Variants in SMYD3 observed in about 807,000 individuals in gnomAD.
The protein encoded by SMYD3 is histone-lysine N-methyltransferase SMYD3.
A neutral mutation model predicts 57.7 loss-of-function variants in SMYD3; 36 were observed. The ratio of observed to expected loss-of-function variants is 0.62; its 90% confidence interval spans 0.48 to 0.82. The LOEUF (loss-of-function observed/expected upper bound fraction) is 0.82, where lower values mean the gene tolerates loss of function less well. Ranked by LOEUF, SMYD3 falls within the 40% of genes least tolerant of loss-of-function variation. The pLI, the probability that SMYD3 is intolerant of heterozygous loss-of-function variation, is 0.00. For synonymous variants in SMYD3, 211 were observed against 195.0 expected, an observed-to-expected ratio of 1.08 and a Z score of -0.68; for missense variants, 515 against 538.8, an observed-to-expected ratio of 0.96 and a Z score of 0.44.
At chr1:246,395,721 A>C (rs1173181488) in intron 1 of SMYD3, among the ~76,000 whole-genome samples, 387 of 31,184 alleles carry the variant, frequency 0.012, 32 homozygotes, top group South Asian at 0.12. Flanking sequence ...GAAGACGAAC[A>C]CACCAGTCAG....
chr1:246,078,019 C>T (rs1007754417), intron 5 of SMYD3, among the ~76,000 whole-genome samples: 1 of 151,770 alleles, frequency 6.6e-6, no homozygotes, highest in South Asian at 2.1e-4. Flanking sequence ...TTTTAAAGTG[C>T]CTTTCATAAA....
chr1:246,355,408 T>C lies in SMYD3; in HGVS notation c.165-314A>G, dbSNP rs2065896603. 1 of 284,846 alleles carries C rather than the reference T, an allele frequency of 3.5e-6. No individual in the cohort carries two copies. The highest frequency in any genetic ancestry group is 6.7e-6 in the Non-Finnish European group (1 of 150,336). The allele number at this position is 284,846 out of a possible 1,614,324, so 17.6% of individuals were successfully genotyped here. A position where few individuals can be genotyped will look rare whatever the true frequency, so the allele number is the denominator to read the frequency against. Reference sequence around the variant, plus strand: ...CACTGTGAACTTTTGATCCAACAACTGCCACAGCAACATACCAGGTAAACT... The same window carrying C: ...CACTGTGAACTTTTGATCCAACAACCGCCACAGCAACATACCAGGTAAACT... On this transcript the variant is annotated intron_variant, in intron 1 of 11. Transcript: ENST00000490107. The surrounding 1 kb of genome is among the most constrained non-coding windows in gnomAD (Gnocchi z 5.0).
In SMYD3 at chr1:246,431,966, G is replaced by A. The variant is rs530865972; in HGVS notation, c.164+75088C>T. Among the ~76,000 whole-genome samples the A allele has an allele frequency of 3.8e-4, 58 of 152,042 alleles. No individual in the cohort carries two copies. The East Asian group carries it at 7.7e-3, about 20-fold the overall frequency. ...GAAAATCATTCCATTCCTAAAATCC[G>A]ACATATCTGACTATACTCTGGAAAA... On this transcript the variant is annotated intron_variant, in intron 1 of 11. Coordinates refer to ENST00000490107, the MANE Select transcript of SMYD3 (RefSeq NM_001167740.2).
At chr1:246,066,970 T>C (rs2060352527) in intron 5 of SMYD3, among the ~76,000 whole-genome samples, 2 of 152,218 alleles carry the variant, frequency 1.3e-5, no homozygotes, top group African/African-American at 4.8e-5. Context: ...GTGGCAGAAT[T>C]CAGTACTTTA....
intron 5 of SMYD3, among the ~76,000 whole-genome samples, chr1:245,970,923 T>C (rs183421828): frequency 6.6e-6 from 1 of 152,338 alleles, no homozygotes; most frequent in East Asian, 1.9e-4. Flanking sequence ...GAATTACCAT[T>C]TGACCCAGTG....
chr1:246,081,204 A>G (rs1419110332), intron 5 of SMYD3, among the ~76,000 whole-genome samples: 1 of 152,230 alleles, frequency 6.6e-6, no homozygotes, highest in South Asian at 2.1e-4. Flanking sequence ...GTCAAAATCT[A>G]AATCCCTAAG....
intron 5 of SMYD3, among the ~76,000 whole-genome samples, chr1:246,271,890 A>G (rs2148547784): frequency 6.6e-6 from 1 of 152,280 alleles, no homozygotes; most frequent in African/African-American, 2.4e-5. Context: ...TGGGTAGGTA[A>G]TGACATCTTA....
At chr1:245,955,073 T>A (rs2057787494) in intron 5 of SMYD3, among the ~76,000 whole-genome samples, 1 of 152,124 alleles carries the variant, frequency 6.6e-6, no homozygotes, top group South Asian at 2.1e-4. Context: ...CATTCCCAAG[T>A]CAGGTTGTGG....
At chr1:246,233,392 TC>T (rs2063453603) in intron 5 of SMYD3, among the ~76,000 whole-genome samples, 1 of 102,512 alleles carries the variant, frequency 9.8e-6, no homozygotes, top group Admixed American at 1.1e-4. Flanking sequence ...GGAGAAGCAC[TC>T]CCCAATTCAC....
At chr1:246,470,539 T>C (rs2067946975) in intron 1 of SMYD3, among the ~76,000 whole-genome samples, 1 of 148,466 alleles carries the variant, frequency 6.7e-6, no homozygotes, top group African/African-American at 2.5e-5. Flanking sequence ...ATATATAATA[T>C]ATACACATAC....
chr1:245,785,986 T>A (rs1487419342), intron 10 of SMYD3, among the ~76,000 whole-genome samples: 1 of 151,882 alleles, frequency 6.6e-6, no homozygotes, highest in East Asian at 1.9e-4. Context: ...ATTACAGGTG[T>A]GAGCCATGGT....
intron 5 of SMYD3, among the ~76,000 whole-genome samples, chr1:246,126,521 T>C (rs767875527): frequency 3.3e-5 from 5 of 152,250 alleles, no homozygotes; most frequent in South Asian, 2.1e-4. Context: ...TTTGTTTTGT[T>C]TGCAATTGTA....
At chr1:246,248,254 T>A (rs1165839073) in intron 5 of SMYD3, among the ~76,000 whole-genome samples, 1 of 152,134 alleles carries the variant, frequency 6.6e-6, no homozygotes, top group Non-Finnish European at 1.5e-5. Context: ...TCTGACCATG[T>A]CATCAAATCA....
In SMYD3 at chr1:246,169,381, C is replaced by CAAAAAA. The variant is rs55719556; in HGVS notation, c.531+157814_531+157819dup. Among the ~76,000 whole-genome samples, 365 of 61,844 alleles carry CAAAAAA rather than the reference C, an allele frequency of 5.9e-3. 7 individuals carry two copies. The highest frequency in any genetic ancestry group is 8.4e-3 in the African/African-American group (129 of 15,382). 40.6% of individuals were successfully genotyped at this position (61,844 alleles called of 152,430 possible). A position where few individuals can be genotyped will look rare whatever the true frequency, so the allele number is the denominator to read the frequency against. On this transcript the variant is annotated intron_variant, in intron 5 of 11. Transcript: ENST00000490107. ...AGTTACAGGGCAAAAGACTTTCTTT[C>CAAAAAA]AAAAAAAAAAAAAAAAAAAAAAACC...
chr1:246,346,045 G>A (rs952397799), intron 2 of SMYD3, among the ~76,000 whole-genome samples: 13 of 152,126 alleles, frequency 8.5e-5, no homozygotes, highest in Non-Finnish European at 1.3e-4. Context: ...AGCACTGTGG[G>A]AGGCCAAGGG....
At chr1:246,434,769 C>G (rs1360922161) in intron 1 of SMYD3, among the ~76,000 whole-genome samples, 1 of 152,174 alleles carries the variant, frequency 6.6e-6, no homozygotes, top group African/African-American at 2.4e-5. Context: ...ACAGAGCTAC[C>G]ATTTGACCCA....
intron 5 of SMYD3, among the ~76,000 whole-genome samples, chr1:246,250,111 A>G (rs1197613406): frequency 6.6e-6 from 1 of 152,158 alleles, no homozygotes; most frequent in East Asian, 1.9e-4. Flanking sequence ...AAAACTCAAA[A>G]ATGGTCTTCT....
At chr1:246,282,651 C>A (rs2064478243) in intron 5 of SMYD3, among the ~76,000 whole-genome samples, 1 of 151,654 alleles carries the variant, frequency 6.6e-6, no homozygotes. Context: ...ATAAATGAAG[C>A]ACAGTAGTTA....
At chr1:245,890,320 C>A (rs1332040411) in intron 8 of SMYD3, among the ~76,000 whole-genome samples, 1 of 152,098 alleles carries the variant, frequency 6.6e-6, no homozygotes, top group Non-Finnish European at 1.5e-5. Context: ...AAAATATCTG[C>A]AAACTACCCA....
Sources: allele counts gnomAD v4.1 joint callset (sites outside exome capture counted in the v4.1 genomes callset), GRCh38; gene constraint gnomAD v4.1.1; non-coding constraint Gnocchi (gnomAD v3.1); transcripts MANE v1.5; gene names NCBI Gene and HGNC (gene_info 2026-07-23, HGNC 2026-07-21).